Variants in IMMP2L observed in about 807,000 individuals in gnomAD.
IMMP2L encodes the protein mitochondrial inner membrane protease subunit 2.
IMMP2L carries 18 observed loss-of-function variants against 19.3 expected under a neutral mutation model. That is an observed-to-expected ratio of 0.93 (90% CI 0.64 to 1.38). IMMP2L has a LOEUF of 1.38. IMMP2L is among the 40% of genes most tolerant of loss of function. IMMP2L has a pLI of 0.00. For missense variants in IMMP2L, 233 were observed against 218.2 expected, an observed-to-expected ratio of 1.07 and a Z score of -0.43; for synonymous variants, 76 against 73.0, an observed-to-expected ratio of 1.04 and a Z score of -0.21.
chr7:111,349,704 A>G (rs1328858070), intron 3 of IMMP2L, among the ~76,000 whole-genome samples: 1 of 152,138 alleles, frequency 6.6e-6, no homozygotes, highest in Admixed American at 6.6e-5. Flanking sequence ...CAAGAGCTAG[A>G]TAAAACAGCC....
chr7:111,197,186 G>T (rs1196970435), intron 3 of IMMP2L, among the ~76,000 whole-genome samples: 1 of 152,122 alleles, frequency 6.6e-6, no homozygotes, highest in Non-Finnish European at 1.5e-5. Context: ...GTATTGGCTG[G>T]GCTCGGTGGC....
chr7:111,343,271 T>C (rs1827205809), intron 3 of IMMP2L, among the ~76,000 whole-genome samples: 2 of 152,104 alleles, frequency 1.3e-5, no homozygotes, highest in South Asian at 4.1e-4. Flanking sequence ...GTTCTTAAAA[T>C]GGCTCTTGGA....
intron 3 of IMMP2L, among the ~76,000 whole-genome samples, chr7:111,439,584 A>T (rs1344974126): frequency 3.3e-5 from 5 of 151,902 alleles, no homozygotes; most frequent in African/African-American, 4.9e-5. Flanking sequence ...CTTCATTGCT[A>T]AAAAAATGCT....
At chr7:111,045,358 C>T (rs1165745955) in intron 3 of IMMP2L, among the ~76,000 whole-genome samples, 1 of 152,164 alleles carries the variant, frequency 6.6e-6, no homozygotes, top group Non-Finnish European at 1.5e-5. Flanking sequence ...CAATATACTA[C>T]CCTTTCTCAT....
At chr7:111,043,345 T>C (rs993698802) in intron 3 of IMMP2L, among the ~76,000 whole-genome samples, 2 of 152,246 alleles carry the variant, frequency 1.3e-5, no homozygotes, top group African/African-American at 4.8e-5. Flanking sequence ...CCAGGAAGCC[T>C]GAAATTTCAT....
chr7:110,903,137 C>A (rs540486661), intron 4 of IMMP2L, among the ~76,000 whole-genome samples: 1 of 152,188 alleles, frequency 6.6e-6, no homozygotes, highest in African/African-American at 2.4e-5. Context: ...TTAGGTTCCC[C>A]CAGAGTGGCA....
intron 3 of IMMP2L, among the ~76,000 whole-genome samples, chr7:111,098,683 C>T (rs960747512): frequency 4.6e-5 from 7 of 151,684 alleles, no homozygotes; most frequent in South Asian, 2.1e-4. Context: ...ATCTTCATAA[C>T]GACCGTACTA....
intron 5 of IMMP2L, among the ~76,000 whole-genome samples, chr7:110,876,106 T>C (rs1277066372): frequency 6.6e-6 from 1 of 152,208 alleles, no homozygotes; most frequent in Admixed American, 6.5e-5. Context: ...TGTTGATGTA[T>C]TGAAAATATT....
chr7:110,772,970 C>G (rs565702513), intron 5 of IMMP2L, among the ~76,000 whole-genome samples: 2 of 151,658 alleles, frequency 1.3e-5, no homozygotes, highest in South Asian at 4.2e-4. Context: ...TTCCCTTTGT[C>G]CTTTCAAATG....
intron 3 of IMMP2L, among the ~76,000 whole-genome samples, chr7:111,202,099 A>C (rs1296236642): frequency 6.6e-6 from 1 of 152,200 alleles, no homozygotes; most frequent in African/African-American, 2.4e-5. Flanking sequence ...ACAGGTTCCT[A>C]GTGTTGTAAT....
At chr7:111,321,093 A>G (rs1412415466) in intron 3 of IMMP2L, among the ~76,000 whole-genome samples, 3 of 152,030 alleles carry the variant, frequency 2.0e-5, no homozygotes. Context: ...GGAAAAATAA[A>G]TAAATAACAG....
intron 2 of IMMP2L, among the ~76,000 whole-genome samples, chr7:111,512,340 T>C (rs1318299571): frequency 1.3e-5 from 2 of 152,180 alleles, no homozygotes; most frequent in Middle Eastern, 6.8e-3. Flanking sequence ...ATAAATCAGA[T>C]CAGCAGTTGC....
intron 5 of IMMP2L, among the ~76,000 whole-genome samples, chr7:110,682,181 T>G (rs1792768767): frequency 6.6e-6 from 1 of 152,146 alleles, no homozygotes; most frequent in African/African-American, 2.4e-5. Context: ...CTCTGGACAT[T>G]TGTACATACT....
intron 3 of IMMP2L, among the ~76,000 whole-genome samples, chr7:111,471,818 T>C (rs764228707): frequency 1.3e-5 from 2 of 151,974 alleles, no homozygotes; most frequent in Non-Finnish European, 2.9e-5. Context: ...AGCCAGCCTA[T>C]ATATATATCA....
intron 3 of IMMP2L, among the ~76,000 whole-genome samples, chr7:111,134,312 CTATTA>C (rs1338636498): frequency 6.6e-6 from 1 of 151,906 alleles, no homozygotes; most frequent in Non-Finnish European, 1.5e-5. Flanking sequence ...AAAATCTTCT[CTATTA>C]TGTTTCCAAT....
intron 3 of IMMP2L, among the ~76,000 whole-genome samples, chr7:111,301,277 A>G (rs1477586379): frequency 6.0e-5 from 9 of 150,522 alleles, no homozygotes; most frequent in African/African-American, 1.9e-4. Context: ...TCTTTTGTTC[A>G]TTTCCTAATT....
chr7:111,552,036 C>A (rs1790729230), intron 1 of IMMP2L, among the ~76,000 whole-genome samples: 1 of 152,058 alleles, frequency 6.6e-6, no homozygotes, highest in South Asian at 2.1e-4. Flanking sequence ...ATGCTATAGC[C>A]ACTGCTCGTT....
intron 3 of IMMP2L, among the ~76,000 whole-genome samples, chr7:111,383,270 G>T (rs764126831): frequency 6.6e-6 from 1 of 152,134 alleles, no homozygotes; most frequent in Admixed American, 6.6e-5. Flanking sequence ...CCTTTTAGAT[G>T]AAGTTATTGT....
intron 5 of IMMP2L, chr7:110,724,013 T>C (rs1665020364): frequency 6.6e-6 from 1 of 152,162 alleles, no homozygotes. Context: ...TAAAGGTTTA[T>C]GCTAAATTTT....
Sources: allele counts gnomAD v4.1 joint callset (sites outside exome capture counted in the v4.1 genomes callset), GRCh38; gene constraint gnomAD v4.1.1; transcripts MANE v1.5; gene names NCBI Gene and HGNC (gene_info 2026-07-23, HGNC 2026-07-21).